Variants in ATP2B2 observed in about 807,000 individuals in gnomAD.
ATP2B2 encodes the protein plasma membrane calcium-transporting ATPase 2.
In ATP2B2, 15 loss-of-function variants were observed where a neutral mutation model predicts 120.0. That is an observed-to-expected ratio of 0.12 (90% confidence interval 0.08 to 0.19). ATP2B2 has a LOEUF of 0.19. Ranked by LOEUF, ATP2B2 falls within the 10% of genes least tolerant of loss-of-function variation. The probability of loss-of-function intolerance (pLI) is 1.00; values close to 1 mark genes in which losing one functional copy is unlikely to be tolerated. For missense variants in ATP2B2, 1,045 were observed against 1,719.8 expected, an observed-to-expected ratio of 0.61 and a Z score of 6.94; for synonymous variants, 694 against 700.3, an observed-to-expected ratio of 0.99 and a Z score of 0.14.
intron 21 of ATP2B2, chr3:10,338,657 G>A (rs567761388): frequency 7.3e-6 from 3 of 411,204 alleles, no homozygotes; most frequent in South Asian, 6.6e-5. Context: ...CTAGGAGTTG[G>A]ACAGATGTGG....
Position 10,326,914 on chromosome 3 carries a change from G to A in ATP2B2, c.*1900C>T, listed in dbSNP as rs997630164. On this transcript the variant is annotated 3_prime_UTR_variant, in exon 23 of 23. Coordinates refer to ENST00000360273, the MANE Select transcript of ATP2B2 (RefSeq NM_001001331.4). ...AGTTCTCTGGGCCTGGAGAAGGGAAGGGGCTGGGCTGACACAGCCATCGTG... is the reference window on the plus strand; with the variant it reads ...AGTTCTCTGGGCCTGGAGAAGGGAAAGGGCTGGGCTGACACAGCCATCGTG... 4.3e-5 allele frequency: 17 copies of A among 398,806 alleles called. No individual in the cohort carries two copies. The highest frequency in any genetic ancestry group is 2.5e-4 in the African/African-American group (12 of 48,612). The allele number at this position is 398,806 out of a possible 1,614,324, so 24.7% of individuals were successfully genotyped here.
chr3:10,380,681 C>T (rs1356485562), intron 8 of ATP2B2, among the ~76,000 whole-genome samples: 1 of 152,170 alleles, frequency 6.6e-6, no homozygotes, highest in African/African-American at 2.4e-5. Flanking sequence ...ACCCCTCAGC[C>T]CCTCTGAGCC....
intron 22 of ATP2B2, among the ~76,000 whole-genome samples, chr3:10,334,654 C>T (rs962734510): frequency 6.6e-6 from 1 of 152,214 alleles, no homozygotes; most frequent in Non-Finnish European, 1.5e-5. Flanking sequence ...TCTGTGCTGA[C>T]GAATGAGCAC....
At chr3:10,397,264 G>A (rs571284934) in intron 5 of ATP2B2, among the ~76,000 whole-genome samples, 1 of 152,196 alleles carries the variant, frequency 6.6e-6, no homozygotes, top group Non-Finnish European at 1.5e-5. Context: ...ACCTGCGTGG[G>A]CAAGAGGATT....
intron 3 of ATP2B2, among the ~76,000 whole-genome samples, chr3:10,531,221 GCC>G (rs1174714478): frequency 3.9e-5 from 6 of 152,186 alleles, no homozygotes; most frequent in Non-Finnish European, 8.8e-5. Context: ...CTCGGGCTCA[GCC>G]CAGGCCTGCC....
chr3:10,488,960 G>A (rs1438572351), intron 1 of ATP2B2, among the ~76,000 whole-genome samples: 1 of 152,174 alleles, frequency 6.6e-6, no homozygotes, highest in Admixed American at 6.5e-5. Context: ...ACGAGACCCT[G>A]CGTGATCCTG....
intron 2 of ATP2B2, among the ~76,000 whole-genome samples, chr3:10,543,148 A>G (rs2067474136): frequency 6.6e-6 from 1 of 152,256 alleles, no homozygotes; most frequent in African/African-American, 2.4e-5. Flanking sequence ...GGCTTAAGTC[A>G]GAACATAAAA....
chr3:10,368,479 A>G (rs2061130672), intron 12 of ATP2B2, among the ~76,000 whole-genome samples: 1 of 151,958 alleles, frequency 6.6e-6, no homozygotes, highest in Non-Finnish European at 1.5e-5. Flanking sequence ...TCATCCATCC[A>G]TCTATTCATC....
chr3:10,350,990 C>A (rs1197412322), intron 14 of ATP2B2, among the ~76,000 whole-genome samples: 1 of 152,172 alleles, frequency 6.6e-6, no homozygotes, highest in Non-Finnish European at 1.5e-5. Flanking sequence ...ATACATAGTT[C>A]CTGCAAACTT....
chr3:10,350,023 G>T, intron 16 of ATP2B2, 89 bp downstream of exon 16: 1 of 1,360,750 alleles, frequency 7.3e-7, no homozygotes, highest in Non-Finnish European at 1.0e-6. Context: ...CTTCCCTTCT[G>T]GGAAGAAGCT....
chr3:10,571,653 G>A (rs1410307293), intron 2 of ATP2B2, among the ~76,000 whole-genome samples: 1 of 152,214 alleles, frequency 6.6e-6, no homozygotes, highest in Non-Finnish European at 1.5e-5. Context: ...CAAAGCTTTG[G>A]ATGGGCTTGG....
chr3:10,564,837 A>G (rs1028637963), intron 2 of ATP2B2, among the ~76,000 whole-genome samples: 4 of 152,114 alleles, frequency 2.6e-5, no homozygotes, highest in African/African-American at 9.7e-5. Flanking sequence ...GATAGGACAG[A>G]TTTCCTATTG....
At chr3:10,687,964 A>T (rs1463105170) in intron 1 of ATP2B2, among the ~76,000 whole-genome samples, 1 of 152,254 alleles carries the variant, frequency 6.6e-6, no homozygotes. Context: ...GCCAATATTT[A>T]TTGAAAATTC....
At chr3:10,506,540 CCA>C (rs2066633739), upstream of ATP2B2, among the ~76,000 whole-genome samples, 1 of 152,182 alleles carries the variant, frequency 6.6e-6, no homozygotes, top group South Asian at 2.1e-4. Flanking sequence ...TCTTTCAACT[CCA>C]GATGGGTGGG....
intron 1 of ATP2B2, among the ~76,000 whole-genome samples, chr3:10,675,963 C>T (rs1232649219): frequency 6.6e-6 from 1 of 152,198 alleles, no homozygotes; most frequent in Admixed American, 6.5e-5. Context: ...TGCTCTCTCC[C>T]ATAGCAGTGC....
chr3:10,567,818 C>T (rs1335984321), intron 2 of ATP2B2, among the ~76,000 whole-genome samples: 1 of 152,066 alleles, frequency 6.6e-6, no homozygotes, highest in African/African-American at 2.4e-5. Context: ...TGCGTTTCAT[C>T]CACTTTGGCC....
intron 22 of ATP2B2, among the ~76,000 whole-genome samples, chr3:10,335,590 G>A (rs1559523519): frequency 1.3e-5 from 2 of 152,184 alleles, no homozygotes; most frequent in African/African-American, 4.8e-5. Context: ...TCTGGTTGAC[G>A]TGACCCTCTC....
At chr3:10,541,043 T>C (rs570538310) in intron 2 of ATP2B2, among the ~76,000 whole-genome samples, 21 of 152,284 alleles carry the variant, frequency 1.4e-4, no homozygotes, top group African/African-American at 4.8e-4. Flanking sequence ...GTTAAATTTA[T>C]ATGTGCAGAG....
At position 10,339,955 on chromosome 3, in the gene ATP2B2, C is replaced by T. The variant is rs557206811; in HGVS notation, c.3237+287G>A. Among the ~76,000 whole-genome samples, 10 of 152,304 alleles carry T rather than the reference C, an allele frequency of 6.6e-5. No individual in the cohort carries two copies. The South Asian group carries it at 8.3e-4, about 13-fold the overall frequency. ...TTTTTCAGTTGTCTTAGTAACAGGA[C>T]GTTGCCTTTAAAAACAAATTTAAGT... On this transcript the variant is annotated intron_variant, in intron 21 of 22. Transcript: ENST00000360273.
Sources: allele counts gnomAD v4.1 joint callset (sites outside exome capture counted in the v4.1 genomes callset), GRCh38; gene constraint gnomAD v4.1.1; transcripts MANE v1.5; gene names NCBI Gene and HGNC (gene_info 2026-07-23, HGNC 2026-07-21).